Variants in ZNF814 observed in about 807,000 individuals in gnomAD.
ZNF814 encodes zinc finger protein 814.
ZNF814 carries 5 observed loss-of-function variants against 7.5 expected under a neutral mutation model. The ratio of observed to expected loss-of-function variants is 0.67; its 90% confidence interval spans 0.35 to 1.40. ZNF814 has a LOEUF of 1.40. ZNF814 is among the 40% of genes most tolerant of loss of function. ZNF814 has a pLI of 0.04. For synonymous variants in ZNF814, 315 were observed against 340.7 expected (o/e 0.92, Z 0.83); for missense variants, 962 against 1,018.0 (o/e 0.94, Z 0.75).
At position 57,873,166 on chromosome 19, in the gene ZNF814, TTTCTCC is replaced by T; in HGVS notation, c.2218_2223del (p.Gly740_Glu741del). On this transcript the variant is annotated inframe_deletion, in exon 3 of 3. Coordinates refer to ENST00000435989, the MANE Select transcript of ZNF814 (RefSeq NM_001144989.2). ...CCACAATCATTGCATTCATAAGGCC[TTTCTCC>T]AGTGTGAACTCTCTGATGTGCAATG... 6.2e-7 allele frequency: 1 copy of T among 1,613,744 alleles called. No homozygotes were observed. Among genetic ancestry groups the T allele is most frequent in the Non-Finnish European group, 8.5e-7 (1 of 1,179,874 alleles).
intron 2 of ZNF814, chr19:57,876,351 C>T (rs532582371): frequency 1.4e-3 from 207 of 153,090 alleles, no homozygotes; most frequent in African/African-American, 4.6e-3. Flanking sequence ...GACTGTGCCT[C>T]CCACCACAAT....
At chr19:57,891,265 C>G (rs967551083), upstream of ZNF814, among the ~76,000 whole-genome samples, 2 of 152,158 alleles carry the variant, frequency 1.3e-5, no homozygotes, top group Non-Finnish European at 2.9e-5. Flanking sequence ...GTGGCTCACG[C>G]CTGTAATCCC....
rs1028662007 is a variant in ZNF814 at position 57,870,579 on chromosome 19, G to C, written c.*2243C>G. On this transcript the variant is annotated 3_prime_UTR_variant, in exon 3 of 3. Transcript: ENST00000435989. ...ACAAAACCTTTAGATTATTTCCTCTGACAATGGCCTCAACAATACAATATT... is the reference window on the plus strand; with the variant it reads ...ACAAAACCTTTAGATTATTTCCTCTCACAATGGCCTCAACAATACAATATT... The C allele has an allele frequency of 6.6e-6, 1 of 152,160 alleles. No homozygotes were observed. Among genetic ancestry groups the C allele is most frequent in the Admixed American group, 6.5e-5 (1 of 15,282 alleles). The allele number at this position is 152,160 out of a possible 1,614,324, so 9.4% of individuals were successfully genotyped here.
At chr19:57,876,777 CT>C (rs2071610235) in intron 2 of ZNF814, 138 bp downstream of exon 2, 1 of 1,441,946 alleles carries the variant, frequency 6.9e-7, no homozygotes. Context: ...CACCTCAGAC[CT>C]ACCAACCAAG....
the ZNF814 span, among the ~76,000 whole-genome samples, chr19:57,897,156 A>G: frequency 6.6e-6 from 1 of 152,214 alleles, no homozygotes; most frequent in Non-Finnish European, 1.5e-5. Context: ...AAACAGCTCA[A>G]GATGTTGTAA....
In ZNF814 at chr19:57,873,516, A is replaced by G; in HGVS notation, c.1874T>C (p.Met625Thr). Reference sequence around the variant, plus strand: ...CTTGTAAGGTCTTTCTCCAGTGTGCATGCGCTGATGGTGAACAAGGCTGCG... The same window carrying G: ...CTTGTAAGGTCTTTCTCCAGTGTGCGTGCGCTGATGGTGAACAAGGCTGCG... ...HKRSLVHHQRMHTGERPYKCG... is the reference protein window; with the variant it reads ...HKRSLVHHQRTHTGERPYKCG... The change falls in exon 3 of 3, where the codon ATG (methionine) becomes ACG (threonine). Residue 625 changes from methionine to threonine, a missense_variant. Met to Thr is a moderately conservative substitution (Grantham distance 81). Transcript: ENST00000435989. 1.9e-6 allele frequency: 3 copies of G among 1,614,180 alleles called. No homozygotes were observed. The highest frequency in any genetic ancestry group is 2.5e-6 in the Non-Finnish European group (3 of 1,180,016).
At position 57,871,760 on chromosome 19, in the gene ZNF814, C is replaced by T. The variant is rs2071558569; in HGVS notation, c.*1062G>A. On this transcript the variant is annotated 3_prime_UTR_variant, in exon 3 of 3. Transcript: ENST00000435989. The stretch of plus-strand genomic sequence containing the variant: ...GAAAAAAATGACAAAGGAAGAAGTG[C>T]TGAAGCTACTCAACAAATCCTTCTG... 3 of 148,052 alleles carry T rather than the reference C, an allele frequency of 2.0e-5. No homozygotes were observed. In the Admixed American group the frequency reaches 2.1e-4, roughly 10 times the overall value. 9.2% of individuals were successfully genotyped at this position (148,052 alleles called of 1,614,324 possible).
In ZNF814 at chr19:57,886,616, CG is replaced by C. The variant is rs758456908; in HGVS notation, c.36+2150del. 1.6e-4 allele frequency among the ~76,000 whole-genome samples: 24 copies of C among 151,980 alleles called. No individual in the cohort carries two copies. The East Asian group carries it at 2.3e-3, about 15-fold the overall frequency. Reference sequence around the variant, plus strand: ...AAAGACGGCCAGGCACGGTGGTTCACGCCTATAATCCCAGCACTTTCGGAGG... The same window carrying C: ...AAAGACGGCCAGGCACGGTGGTTCACCCTATAATCCCAGCACTTTCGGAGG... On this transcript the variant is annotated intron_variant, in intron 1 of 2. Coordinates refer to ENST00000435989, the MANE Select transcript of ZNF814 (RefSeq NM_001144989.2).
At chr19:57,878,162 G>T (rs13343863) in intron 1 of ZNF814, among the ~76,000 whole-genome samples, 42 of 87,454 alleles carry the variant, frequency 4.8e-4, no homozygotes, top group African/African-American at 2.0e-3. Context: ...GCAAAACTCT[G>T]TCTCAAAAAA....
chr19:57,897,066 T>C, the ZNF814 span, among the ~76,000 whole-genome samples: 2 of 152,256 alleles, frequency 1.3e-5, no homozygotes, highest in Non-Finnish European at 2.9e-5. Flanking sequence ...TTTTCAGTTC[T>C]GTCTGACAAG....
chr19:57,873,113 G>A lies in ZNF814; in HGVS notation c.2277C>T (p.Phe759=). 6 of 1,613,902 alleles carry A rather than the reference G, an allele frequency of 3.7e-6. No individual in the cohort carries two copies. Among genetic ancestry groups the A allele is most frequent in the Non-Finnish European group, 5.1e-6 (6 of 1,179,964 alleles). The part of the protein sequence containing the change: ...CGKSFTHSST[F]CVHKRIHTGE... ...CAGTGTGAATTCGCTTATGAACACA[G>A]AATGTAGAGCTGTGGGTAAATGATT... The change falls in exon 3 of 3, where the codon TTC becomes TTT. Residue 759 remains phenylalanine, a synonymous_variant. Transcript: ENST00000435989.
rs2071553622 is a variant in ZNF814, at chr19:57,871,098, A to C, written c.*1724T>G. The C allele has an allele frequency of 6.6e-6, 1 of 152,266 alleles. No individual in the cohort carries two copies. Among genetic ancestry groups the C allele is most frequent in the South Asian group, 2.1e-4 (1 of 4,830 alleles). 9.4% of individuals were successfully genotyped at this position (152,266 alleles called of 1,614,324 possible). On this transcript the variant is annotated 3_prime_UTR_variant, in exon 3 of 3. Transcript: ENST00000435989. The stretch of plus-strand genomic sequence containing the variant: ...TTATAATTTCACCTGATAGCATTAC[A>C]ATCTGTGATGTTATCCTACAGAATT...
intron 1 of ZNF814, among the ~76,000 whole-genome samples, chr19:57,883,144 T>G (rs11881526): frequency 0.48 from 69,756 of 146,026 alleles, 17,788 homozygotes; most frequent in African/African-American, 0.7. Context: ...AGATCACAAA[T>G]TCAGGAGATC....
chr19:57,904,520 G>A, the ZNF814 span, among the ~76,000 whole-genome samples: 2 of 152,186 alleles, frequency 1.3e-5, no homozygotes, highest in African/African-American at 2.4e-5. Flanking sequence ...GCCTTTGAAA[G>A]CAGGTCATGT....
rs777956687 is a variant in ZNF814 at position 57,873,576 on chromosome 19, T to A, written c.1814A>T (p.Glu605Val). 2 of 1,613,770 alleles carry A rather than the reference T, an allele frequency of 1.2e-6. No homozygotes were observed. Among genetic ancestry groups the A allele is most frequent in the South Asian group, 2.2e-5 (2 of 91,056 alleles). The change falls in exon 3 of 3, where the codon GAG becomes GTG. Residue 605 changes from glutamate (E) to valine (V), a missense_variant. Around this residue, in one of 7 missense-constraint regions of ZNF814, gnomAD observed 665 missense variants for 551.4 expected, o/e 1.21. Coordinates refer to ENST00000435989, the MANE Select transcript of ZNF814 (RefSeq NM_001144989.2). ...AAAAGATTTCCCACATTCTCCACAC[T>A]CATAAGGCCTCTCTCCAGTATGAAC... Reference protein sequence around the residue: ...QRVHTGERPYECGECGKSFSH... With the variant: ...QRVHTGERPYVCGECGKSFSH...
At chr19:57,898,528 G>T in the ZNF814 span, among the ~76,000 whole-genome samples, 33 of 152,202 alleles carry the variant, frequency 2.2e-4, no homozygotes, top group Non-Finnish European at 1.5e-5. Context: ...ACCAGTTTGG[G>T]TGGAGCAATG....
At chr19:57,876,756 G>C in intron 2 of ZNF814, 160 bp downstream of exon 2, 1 of 1,204,098 alleles carries the variant, frequency 8.3e-7, no homozygotes, top group Non-Finnish European at 1.1e-6. Flanking sequence ...AAAGGAGTAG[G>C]GCAGTATGTA....
At position 57,875,146 on chromosome 19, in the gene ZNF814, G is replaced by A. The variant is rs560860743; in HGVS notation, c.244C>T (p.Pro82Ser). The change falls in exon 3 of 3, where the codon CCT becomes TCT. Residue 82 changes from proline to serine, a missense_variant. Pro to Ser is a moderately conservative substitution (Grantham distance 74). Transcript: ENST00000435989. Reference protein sequence around the residue: ...YIQRETQVRTPMAGVSPKKAH... With the variant: ...YIQRETQVRTSMAGVSPKKAH... ...TTCTTGGGAGACACACCTGCCATAGGAGTCCTGACCTGAGTCTCTCTTTGT... is the reference window on the plus strand; with the variant it reads ...TTCTTGGGAGACACACCTGCCATAGAAGTCCTGACCTGAGTCTCTCTTTGT... 1.8e-3 allele frequency: 2,741 copies of A among 1,556,700 alleles called. 2 individuals are homozygous for A. The highest frequency in any genetic ancestry group is 2.2e-3 in the Non-Finnish European group (2,482 of 1,149,270).
rs2071632775 is a variant in ZNF814 at position 57,879,122 on chromosome 19, A to C, written c.37-2080T>G. ...CATCCAGAGTGTATGGCCCATTCAAACCGATCCAATATTACCACAGAACTG... is the reference window on the plus strand; with the variant it reads ...CATCCAGAGTGTATGGCCCATTCAACCCGATCCAATATTACCACAGAACTG... On this transcript the variant is annotated intron_variant, in intron 1 of 2. Transcript: ENST00000435989. Among the ~76,000 whole-genome samples, 3 of 147,598 alleles carry C rather than the reference A, an allele frequency of 2.0e-5. No homozygotes were observed. The South Asian group carries it at 6.7e-4, about 33-fold the overall frequency.
Sources: allele counts gnomAD v4.1 joint callset (sites outside exome capture counted in the v4.1 genomes callset), GRCh38; gene constraint gnomAD v4.1.1; regional missense constraint gnomAD v4.1.1; transcripts MANE v1.5; gene names NCBI Gene and HGNC (gene_info 2026-07-23, HGNC 2026-07-21).